Variants in TULP4 observed in about 807,000 individuals in gnomAD.
TULP4 encodes the protein tubby-related protein 4.
Under a neutral mutation model 129.0 loss-of-function variants are expected in TULP4, and 16 were observed. The ratio of observed to expected loss-of-function variants is 0.12; its 90% CI spans 0.08 to 0.19. The LOEUF (loss-of-function observed/expected upper bound fraction) is 0.19, where lower values mean the gene tolerates loss of function less well. TULP4 is among the 10% of genes least tolerant of loss of function. The probability of loss-of-function intolerance (pLI) is 1.00; values close to 1 mark genes in which losing one functional copy is unlikely to be tolerated. For missense variants in TULP4, 1,842 were observed against 2,059.1 expected (o/e 0.89, Z 2.04); for synonymous variants, 998 against 854.0 (o/e 1.17, Z -2.94).
At chr6:158,241,761 A>C (rs1777920492) in intron 1 of TULP4, 1 of 434,056 alleles carries the variant, frequency 2.3e-6, no homozygotes, top group Non-Finnish European at 4.4e-6. Flanking sequence ...CGCCCAGCTA[A>C]TTTTTGTATT....
At chr6:158,480,064 G>A (rs1779904920) in intron 7 of TULP4, 89 bp downstream of exon 7, 1 of 1,043,434 alleles carries the variant, frequency 9.6e-7, no homozygotes, top group Non-Finnish European at 1.4e-6. Context: ...GGGTACCAGA[G>A]TGAGCACATG....
chr6:158,236,704 A>G (rs11756200), intron 1 of TULP4, among the ~76,000 whole-genome samples: 26,138 of 151,340 alleles, frequency 0.17, 2,685 homozygotes, highest in Middle Eastern at 0.24. Flanking sequence ...AAAACCTTAG[A>G]TAAGGTTTGT....
chr6:158,358,605 A>G, intron 1 of TULP4, among the ~76,000 whole-genome samples: 1 of 152,216 alleles, frequency 6.6e-6, no homozygotes, highest in East Asian at 1.9e-4. Context: ...TAGGCTGGTT[A>G]CATCCCACAT....
chr6:158,387,838 A>G (rs1291204535), intron 1 of TULP4, among the ~76,000 whole-genome samples: 1 of 152,216 alleles, frequency 6.6e-6, no homozygotes, highest in Non-Finnish European at 1.5e-5. Flanking sequence ...AGTAGTGTGC[A>G]CTGCCTCTTA....
At position 158,337,680 on chromosome 6, in the gene TULP4, G is replaced by T. The variant is rs1004354695; in HGVS notation, c.252+23412G>T. ...TGCACCCACAGTGTGCAAACAAATA[G>T]AAACAACAAAGTGTCAAGTGCACTG... On this transcript the variant is annotated intron_variant, in intron 1 of 13. Transcript: ENST00000367097. 2.6e-5 allele frequency among the ~76,000 whole-genome samples: 4 copies of T among 152,108 alleles called. No homozygotes were observed. In the East Asian group the frequency reaches 5.8e-4, roughly 22 times the overall value.
intron 1 of TULP4, among the ~76,000 whole-genome samples, chr6:158,361,964 C>G (rs1350719603): frequency 6.6e-6 from 1 of 152,176 alleles, no homozygotes; most frequent in Non-Finnish European, 1.5e-5. Context: ...TTTTAGGTGC[C>G]TTATTCATTT....
intron 1 of TULP4, among the ~76,000 whole-genome samples, chr6:158,274,857 C>T (rs1465231635): frequency 6.6e-6 from 1 of 152,216 alleles, no homozygotes; most frequent in Admixed American, 6.5e-5. Context: ...TTTCTGTTGC[C>T]TACAGGCCGC....
At chr6:158,310,687 G>A (rs952529168), upstream of TULP4, among the ~76,000 whole-genome samples, 2 of 151,612 alleles carry the variant, frequency 1.3e-5, no homozygotes, top group Admixed American at 6.6e-5. Flanking sequence ...TGGGGGTTAC[G>A]TTTCAGCATG....
At chr6:158,248,566 G>A (rs117589074) in intron 1 of TULP4, among the ~76,000 whole-genome samples, 2,897 of 152,190 alleles carry the variant, frequency 0.019, 46 homozygotes, top group Middle Eastern at 0.031. Flanking sequence ...ACCGTGCCCG[G>A]CGTCTGTTCT....
chr6:158,434,101 G>C (rs769188032), intron 3 of TULP4, among the ~76,000 whole-genome samples: 1 of 152,096 alleles, frequency 6.6e-6, no homozygotes, highest in Non-Finnish European at 1.5e-5. Flanking sequence ...TCCTCTTCCT[G>C]TAAGGACACC....
intron 1 of TULP4, among the ~76,000 whole-genome samples, chr6:158,381,033 A>G (rs1472526904): frequency 6.6e-6 from 1 of 151,596 alleles, no homozygotes; most frequent in Admixed American, 6.6e-5. Flanking sequence ...GAGTCCCATG[A>G]TGGCATATGT....
intron 1 of TULP4, among the ~76,000 whole-genome samples, chr6:158,355,567 G>C (rs1780627770): frequency 6.6e-6 from 1 of 152,172 alleles, no homozygotes; most frequent in East Asian, 1.9e-4. Context: ...CTGAATAGGA[G>C]GGGAGGAGGG....
intron 1 of TULP4, among the ~76,000 whole-genome samples, chr6:158,299,241 A>G (rs1779093140): frequency 6.6e-6 from 1 of 152,212 alleles, no homozygotes; most frequent in Non-Finnish European, 1.5e-5. Context: ...AATAAGAAAT[A>G]TAAAATAAGT....
chr6:158,431,177 T>C (rs1174237255), intron 3 of TULP4, among the ~76,000 whole-genome samples: 2 of 152,184 alleles, frequency 1.3e-5, no homozygotes, highest in African/African-American at 2.4e-5. Context: ...GGGTTTTTAC[T>C]ACCCCCGAGT....
chr6:158,240,299 G>A (rs1234098979), intron 1 of TULP4, among the ~76,000 whole-genome samples: 6 of 82,208 alleles, frequency 7.3e-5, no homozygotes, highest in East Asian at 5.0e-4. Context: ...TGGCCGGGCA[G>A]AGGCGCCCCT....
intron 1 of TULP4, chr6:158,398,630 G>T (rs1777773279): frequency 6.6e-6 from 1 of 152,196 alleles, no homozygotes; most frequent in Non-Finnish European, 1.5e-5. Flanking sequence ...TTTTAAAAAA[G>T]ACTTTCTGAG....
At chr6:158,321,972 T>C (rs1278378453) in intron 1 of TULP4, among the ~76,000 whole-genome samples, 1 of 152,168 alleles carries the variant, frequency 6.6e-6, no homozygotes, top group African/African-American at 2.4e-5. Flanking sequence ...CCTAGTACCA[T>C]TGTCTGATTC....
chr6:158,503,023 C>G lies in TULP4; in HGVS notation c.3360C>G (p.Pro1120=), dbSNP rs962422297. The change falls in exon 13 of 14, where the codon CCC becomes CCG. Residue 1120 remains proline, a synonymous_variant. Transcript: ENST00000367097. This position sits in a 1 kb window ranked among gnomAD's most constrained non-coding sequence, Gnocchi z 4.3. The part of the protein sequence containing the change: ...PEAAVTLKRP[P]PYQWDPMLGE... ...CTGCTGTCACCCTGAAACGGCCACC[C>G]CCTTACCAGTGGGACCCCATGCTGG... 1.1e-5 allele frequency: 17 copies of G among 1,614,032 alleles called. No homozygotes were observed. The highest frequency in any genetic ancestry group is 4.5e-5 in the East Asian group (2 of 44,884).
At chr6:158,487,262 A>C (rs775150213) in intron 8 of TULP4, among the ~76,000 whole-genome samples, 2 of 152,138 alleles carry the variant, frequency 1.3e-5, no homozygotes, top group Non-Finnish European at 2.9e-5. Flanking sequence ...CCATCTCAAA[A>C]AATAAGTAAA....
Sources: gnomAD v4.1 joint callset for allele counts (sites outside exome capture counted in the v4.1 genomes callset) on GRCh38, gnomAD v4.1.1 for gene constraint, Gnocchi (gnomAD v3.1) non-coding constraint, MANE v1.5 for transcripts, NCBI Gene and HGNC (gene_info 2026-07-23, HGNC 2026-07-21) for gene names.